DCAF5: variants seen among roughly 807,000 people sequenced by gnomAD.
DCAF5 encodes the protein DDB1 and CUL4 associated factor 5.
DCAF5 carries 9 observed loss-of-function variants against 80.7 expected under a neutral mutation model. That is an observed-to-expected ratio of 0.11 (90% CI 0.07 to 0.19). DCAF5 has a LOEUF of 0.19. DCAF5 is among the 10% of genes least tolerant of loss of function. The pLI is 1.00. For synonymous variants in DCAF5, 433 were observed against 461.9 expected (o/e 0.94, Z 0.80); for missense variants, 842 against 1,205.7 (o/e 0.70, Z 4.47).
intron 6 of DCAF5, among the ~76,000 whole-genome samples, chr14:69,080,464 A>C (rs1159168856): frequency 2.0e-5 from 3 of 152,242 alleles, no homozygotes; most frequent in African/African-American, 7.2e-5. Flanking sequence ...TTAAAACTTA[A>C]GAAACACAGT....
intron 6 of DCAF5, chr14:69,090,667 C>T (rs906694580): frequency 1.9e-5 from 3 of 155,788 alleles, no homozygotes; most frequent in Non-Finnish European, 2.8e-5. Context: ...CTTCAAAAAG[C>T]GAGGTCTTGC....
intron 6 of DCAF5, chr14:69,083,664 C>T: frequency 1.7e-6 from 1 of 603,644 alleles, no homozygotes; most frequent in South Asian, 1.7e-5. Flanking sequence ...CCCAGAAATC[C>T]ACCGTATTAA....
At position 69,091,589 on chromosome 14, in the gene DCAF5, G is replaced by C. The variant is rs1594979786; in HGVS notation, c.879+85C>G. 3.3e-6 allele frequency: 4 copies of C among 1,229,054 alleles called. No individual in the cohort carries two copies. The East Asian group carries it at 9.4e-5, about 29-fold the overall frequency. 76.1% of individuals were successfully genotyped at this position (1,229,054 alleles called of 1,614,324 possible). Reference sequence around the variant, plus strand: ...CTTAATTGTTTCTACCTGACATAATGGTAATGAGAAATAAAGACCAGTATA... The same window carrying C: ...CTTAATTGTTTCTACCTGACATAATCGTAATGAGAAATAAAGACCAGTATA... On this transcript the variant is annotated intron_variant, in intron 6 of 8. Coordinates refer to ENST00000341516, the MANE Select transcript of DCAF5 (RefSeq NM_003861.3).
At chr14:69,058,335 G>A (rs901360622) in intron 8 of DCAF5, among the ~76,000 whole-genome samples, 2 of 151,460 alleles carry the variant, frequency 1.3e-5, no homozygotes. Flanking sequence ...CCTGGCCAAC[G>A]TGGTAAAACC....
chr14:69,068,904 T>C (rs1195802733), intron 7 of DCAF5, among the ~76,000 whole-genome samples: 2 of 152,114 alleles, frequency 1.3e-5, no homozygotes, highest in Non-Finnish European at 2.9e-5. Context: ...ACCACATAAC[T>C]ACTTAAGAAA....
At position 69,053,923 on chromosome 14, in the gene DCAF5, C is replaced by T. The variant is rs1334306724; in HGVS notation, c.2763G>A (p.Arg921=). 6.2e-7 allele frequency: 1 copy of T among 1,611,976 alleles called. No homozygotes were observed. The highest frequency in any genetic ancestry group is 1.3e-5 in the African/African-American group (1 of 74,838). The change falls in exon 9 of 9, where the codon AGG becomes AGA. Residue 921 remains arginine (R), a synonymous_variant. Transcript: ENST00000341516. The part of the protein sequence containing the change: ...RAVHGHSGLK[R]QRIELEDTDS... ...CTGTATCTTCCAATTCAATTCGTTGCCTTTTGAGGCCACTGTGGCCATGAA... is the reference window on the plus strand; with the variant it reads ...CTGTATCTTCCAATTCAATTCGTTGTCTTTTGAGGCCACTGTGGCCATGAA...
At chr14:69,067,454 C>T (rs2038497485) in intron 7 of DCAF5, among the ~76,000 whole-genome samples, 3 of 151,366 alleles carry the variant, frequency 2.0e-5, no homozygotes, top group Non-Finnish European at 2.9e-5. Context: ...AGCAATCCTC[C>T]TACCTCAGCC....
At chr14:69,122,689 C>T (rs1475656717) in intron 1 of DCAF5, among the ~76,000 whole-genome samples, 1 of 152,224 alleles carries the variant, frequency 6.6e-6, no homozygotes, top group Non-Finnish European at 1.5e-5. Context: ...AGAACCCCTT[C>T]ATGGAAGTCC....
At position 69,126,484 on chromosome 14, in the gene DCAF5, TC is replaced by T. The variant is rs1362279821; in HGVS notation, c.215-4125del. Among the ~76,000 whole-genome samples the T allele has an allele frequency of 3.3e-5, 5 of 152,132 alleles. No homozygotes were observed. The South Asian group carries it at 1.0e-3, about 32-fold the overall frequency. ...GACTCAGTATTTTTAAGATATCAGT[TC>T]TTCCCAACTTCATCTATGGATTCAA... On this transcript the variant is annotated intron_variant, in intron 1 of 8. Transcript: ENST00000341516.
chr14:69,061,055 G>C (rs1200933110), intron 8 of DCAF5, among the ~76,000 whole-genome samples: 1 of 151,692 alleles, frequency 6.6e-6, no homozygotes, highest in Non-Finnish European at 1.5e-5. Flanking sequence ...GCCTAGGCTG[G>C]AGTGCAGTGG....
chr14:69,148,817 C>T (rs539500828), intron 1 of DCAF5, among the ~76,000 whole-genome samples: 2 of 152,306 alleles, frequency 1.3e-5, no homozygotes, highest in African/African-American at 4.8e-5. Context: ...AATCTGTTAT[C>T]CTCATTTTAC....
chr14:69,094,004 C>T (rs915434468), intron 5 of DCAF5, among the ~76,000 whole-genome samples: 1 of 152,180 alleles, frequency 6.6e-6, no homozygotes, highest in African/African-American at 2.4e-5. Flanking sequence ...GTGGCTGCGA[C>T]AGGCATGTGG....
At chr14:69,110,209 T>C (rs1187900143) in intron 5 of DCAF5, among the ~76,000 whole-genome samples, 1 of 151,384 alleles carries the variant, frequency 6.6e-6, no homozygotes, top group East Asian at 1.9e-4. Context: ...TTCTGGATAT[T>C]CTTAATGTAT....
At chr14:69,115,374 T>C (rs1318761164) in intron 5 of DCAF5, among the ~76,000 whole-genome samples, 2 of 152,168 alleles carry the variant, frequency 1.3e-5, no homozygotes, top group Non-Finnish European at 2.9e-5. Flanking sequence ...TACTGCCCCA[T>C]GGAGAGAATC....
intron 6 of DCAF5, among the ~76,000 whole-genome samples, chr14:69,088,155 A>C (rs1051289630): frequency 6.6e-6 from 1 of 152,172 alleles, no homozygotes; most frequent in African/African-American, 2.4e-5. Flanking sequence ...GTTTACTCCT[A>C]GCCCAATCCA....
chr14:69,082,805 A>G (rs991236724), intron 6 of DCAF5, among the ~76,000 whole-genome samples: 1 of 152,212 alleles, frequency 6.6e-6, no homozygotes, highest in Non-Finnish European at 1.5e-5. Context: ...AAGCTTGAAG[A>G]TATCTCAAAA....
At chr14:69,148,549 G>A (rs190293785) in intron 1 of DCAF5, among the ~76,000 whole-genome samples, 235 of 152,138 alleles carry the variant, frequency 1.5e-3, no homozygotes, top group Middle Eastern at 3.4e-3. Context: ...ACAAAAATTA[G>A]CCAGGTGTGG....
chr14:69,102,466 CTT>C (rs994892527), intron 5 of DCAF5, among the ~76,000 whole-genome samples: 7 of 151,090 alleles, frequency 4.6e-5, no homozygotes, highest in South Asian at 4.2e-4. Context: ...CTTTTTGACT[CTT>C]GTTATAATAC....
At chr14:69,144,264 A>T (rs1292315582) in intron 1 of DCAF5, among the ~76,000 whole-genome samples, 1 of 152,110 alleles carries the variant, frequency 6.6e-6, no homozygotes, top group Non-Finnish European at 1.5e-5. Flanking sequence ...AATAATTTTC[A>T]TTGTTATTAA....
Sources: allele counts gnomAD v4.1 joint callset (sites outside exome capture counted in the v4.1 genomes callset), GRCh38; gene constraint gnomAD v4.1.1; transcripts MANE v1.5; gene names NCBI Gene and HGNC (gene_info 2026-07-23, HGNC 2026-07-21).